Variants in CEP350 observed in about 807,000 individuals in gnomAD.
The protein encoded by CEP350 is centrosome-associated protein 350.
A neutral mutation model predicts 331.8 loss-of-function variants in CEP350; 126 were observed. The ratio of observed to expected loss-of-function variants is 0.38; its 90% confidence interval spans 0.33 to 0.44. The LOEUF (loss-of-function observed/expected upper bound fraction) is 0.44, where lower values mean the gene tolerates loss of function less well. CEP350 is among the 20% of genes least tolerant of loss of function. The pLI, the probability that CEP350 is intolerant of heterozygous loss-of-function variation, is 1.00. For synonymous variants in CEP350, 1,200 were observed against 1,259.5 expected (o/e 0.95, Z 1.00); for missense variants, 3,406 against 3,634.6 (o/e 0.94, Z 1.62).
intron 34 of CEP350, 36 bp downstream of exon 34, chr1:180,094,652 T>G: frequency 6.4e-7 from 1 of 1,574,098 alleles, no homozygotes; most frequent in Non-Finnish European, 8.6e-7. Flanking sequence ...TCAGTATACC[T>G]TTTGACACTT....
At chr1:180,021,127 T>C (rs1177547989) in intron 12 of CEP350, 118 bp downstream of exon 12, 10 of 795,368 alleles carry the variant, frequency 1.3e-5, no homozygotes, top group East Asian at 2.9e-5. Context: ...TGGAGACTTA[T>C]TACTGTCCGT....
chr1:180,063,186 C>CTTTTT (rs35572192), intron 26 of CEP350, among the ~76,000 whole-genome samples: 13 of 106,956 alleles, frequency 1.2e-4, no homozygotes, highest in Non-Finnish European at 2.1e-4. Context: ...AAATTTGAAA[C>CTTTTT]TTTTTTTTTT....
At chr1:180,052,480 T>TA (rs933483296) in intron 22 of CEP350, among the ~76,000 whole-genome samples, 9 of 151,820 alleles carry the variant, frequency 5.9e-5, no homozygotes, top group Admixed American at 1.3e-4. Flanking sequence ...AAGTATTCAA[T>TA]AAAAAAAAGG....
chr1:180,048,797 G>C (rs1281541781), intron 22 of CEP350, 92 bp downstream of exon 22: 1 of 970,364 alleles, frequency 1.0e-6, no homozygotes, highest in African/African-American at 1.7e-5. Context: ...AGCTGGATGT[G>C]GTGGCTCATG....
intron 37 of CEP350, among the ~76,000 whole-genome samples, chr1:180,104,892 C>T (rs767552675): frequency 1.2e-4 from 18 of 152,090 alleles, no homozygotes; most frequent in Non-Finnish European, 2.2e-4. Context: ...AAGCATAGGC[C>T]GTCACTTCCC....
chr1:179,969,633 A>G (rs1651287003), intron 1 of CEP350: 1 of 327,064 alleles, frequency 3.1e-6, no homozygotes, highest in Non-Finnish European at 6.0e-6. Flanking sequence ...TCAAAAAGTG[A>G]TCAGTGTGTC....
chr1:180,044,383 G>C (rs1162775897), intron 21 of CEP350, among the ~76,000 whole-genome samples: 1 of 152,108 alleles, frequency 6.6e-6, no homozygotes, highest in Non-Finnish European at 1.5e-5. Context: ...CATTGTACAA[G>C]CATTGTATAA....
At position 180,053,790 on chromosome 1, in the gene CEP350, C is replaced by G; in HGVS notation, c.5030C>G (p.Ser1677Cys). Residue 1677 changes from serine (S) to cysteine (C), a missense_variant, in exon 24 of 38, where the codon TCT (serine) becomes TGT (cysteine). By Grantham distance (112) the Ser-to-Cys change is moderately radical. This residue lies in a region of CEP350 where 104 missense variants were observed against 143.3 expected (regional missense o/e 0.73). Coordinates refer to ENST00000367607, the MANE Select transcript of CEP350 (RefSeq NM_014810.5). ...MPFSGGQDSF[S>C]KFTMEMVRQY... ...TTCTCAGGAGGACAAGATAGCTTTT[C>G]TAAATTTACTATGGAGATGGTTCGA... 6.2e-7 allele frequency: 1 copy of G among 1,604,006 alleles called. No homozygotes were observed. The highest frequency in any genetic ancestry group is 8.5e-7 in the Non-Finnish European group (1 of 1,173,520).
intron 8 of CEP350, among the ~76,000 whole-genome samples, chr1:180,011,002 CTTTT>C (rs1185118491): frequency 6.7e-6 from 1 of 149,330 alleles, no homozygotes; most frequent in Non-Finnish European, 1.5e-5. Context: ...TTTTTCATTT[CTTTT>C]TAAGTCACTG....
chr1:180,107,085 G>A (rs1225017267), intron 37 of CEP350, among the ~76,000 whole-genome samples: 2 of 152,076 alleles, frequency 1.3e-5, no homozygotes, highest in African/African-American at 4.8e-5. Flanking sequence ...TAAAAACAAT[G>A]AAGTAGAGCT....
intron 37 of CEP350, among the ~76,000 whole-genome samples, chr1:180,102,871 ATT>A (rs1660903663): frequency 6.6e-6 from 1 of 152,220 alleles, no homozygotes. Flanking sequence ...AAGCAGCATC[ATT>A]GTCTGCGGTG....
intron 27 of CEP350, chr1:180,073,738 C>T (rs947700227): frequency 1.9e-5 from 24 of 1,285,882 alleles, no homozygotes; most frequent in Non-Finnish European, 2.5e-5. Context: ...TCTCATTCTT[C>T]CTGCCTCTTG....
At position 180,033,862 on chromosome 1, in the gene CEP350, T is replaced by C. The variant is rs749706548; in HGVS notation, c.3726T>C (p.Ser1242=). 3 of 1,613,054 alleles carry C rather than the reference T, an allele frequency of 1.9e-6. No individual in the cohort carries two copies. The Admixed American group carries it at 5.0e-5, about 27-fold the overall frequency. The change falls in exon 16 of 38, where the codon AGT becomes AGC. Residue 1242 remains serine, a splice_region_variant and synonymous_variant. Transcript: ENST00000367607. ...TGTTTTTGTGGATCAAAACTTCTAG[T>C]GTCTCATCAGATAAGGGAAGATCTC... is the stretch of plus-strand genomic sequence containing the variant. ...TLEDLSGHSV[S]VSSDKGRSQK...
chr1:180,073,848 G>C (rs1258961588), intron 27 of CEP350: 2 of 1,304,618 alleles, frequency 1.5e-6, no homozygotes, highest in East Asian at 5.5e-5. Flanking sequence ...GCCTCTCTCA[G>C]TGTCTGTTTT....
chr1:180,054,967 C>T (rs1256896121), intron 25 of CEP350, among the ~76,000 whole-genome samples: 1 of 152,140 alleles, frequency 6.6e-6, no homozygotes, highest in African/African-American at 2.4e-5. Flanking sequence ...AGAATTCAGG[C>T]TCTGGAGTTA....
intron 27 of CEP350, among the ~76,000 whole-genome samples, chr1:180,070,816 G>A (rs546940556): frequency 6.6e-6 from 1 of 152,298 alleles, no homozygotes; most frequent in Admixed American, 6.5e-5. Flanking sequence ...GAGTTGAATA[G>A]CTGTACAGAG....
chr1:180,105,220 C>G (rs1261884794), intron 37 of CEP350, among the ~76,000 whole-genome samples: 1 of 151,996 alleles, frequency 6.6e-6, no homozygotes, highest in Admixed American at 6.6e-5. Flanking sequence ...ACCTGGCTTT[C>G]TGCTCCCTCA....
intron 3 of CEP350, among the ~76,000 whole-genome samples, chr1:179,987,677 A>G (rs142996511): frequency 7.8e-4 from 118 of 152,080 alleles, no homozygotes; most frequent in African/African-American, 2.8e-3. Context: ...CTGTAATCCT[A>G]GCACTTTGGG....
chr1:180,043,772 T>TTG (rs71118428), intron 20 of CEP350, among the ~76,000 whole-genome samples: 12,552 of 148,514 alleles, frequency 0.085, 927 homozygotes, highest in African/African-American at 0.21. Flanking sequence ...ATTACCATAT[T>TTG]TGTGTGTGTG....
Sources: gnomAD v4.1 joint callset for allele counts (sites outside exome capture counted in the v4.1 genomes callset) on GRCh38, gnomAD v4.1.1 for gene constraint, gnomAD v4.1.1 regional missense constraint, MANE v1.5 for transcripts, NCBI Gene and HGNC (gene_info 2026-07-23, HGNC 2026-07-21) for gene names.